Variants in PACRG observed in about 807,000 individuals in gnomAD.
PACRG encodes parkin coregulated.
A neutral mutation model predicts 29.7 loss-of-function variants in PACRG; 29 were observed. The ratio of observed to expected loss-of-function variants is 0.98; its 90% CI spans 0.73 to 1.33. PACRG has a LOEUF of 1.33. Among genes scored for constraint, PACRG ranks in the 40% most tolerant of loss-of-function variants. The pLI, the probability that PACRG is intolerant of heterozygous loss-of-function variation, is 0.00. For synonymous variants in PACRG, 116 were observed against 118.7 expected, an observed-to-expected ratio of 0.98 and a Z score of 0.15; for missense variants, 279 against 316.2, an observed-to-expected ratio of 0.88 and a Z score of 0.89.
chr6:163,125,852 T>C (rs1390777651), intron 4 of PACRG, among the ~76,000 whole-genome samples: 1 of 152,212 alleles, frequency 6.6e-6, no homozygotes, highest in Non-Finnish European at 1.5e-5. Context: ...GATGTCAAAA[T>C]AGTAAGAATT....
chr6:162,736,004 A>G (rs1376846556), intron 1 of PACRG, among the ~76,000 whole-genome samples: 1 of 152,218 alleles, frequency 6.6e-6, no homozygotes, highest in Non-Finnish European at 1.5e-5. Flanking sequence ...ATATTTATCA[A>G]TGGATGTTCA....
intron 1 of PACRG, among the ~76,000 whole-genome samples, chr6:162,812,221 G>A (rs1436258985): frequency 6.6e-6 from 1 of 152,004 alleles, no homozygotes. Flanking sequence ...TCCCATTCGG[G>A]AAAGCAACTA....
intron 1 of PACRG, among the ~76,000 whole-genome samples, chr6:162,736,224 A>G (rs1257562803): frequency 6.6e-6 from 1 of 152,260 alleles, no homozygotes; most frequent in Non-Finnish European, 1.5e-5. Flanking sequence ...CAGTGAAAAT[A>G]TCATCCACAA....
rs796920186 is a variant in PACRG, at chr6:163,291,354, A to T, written c.614-23473A>T. Among the ~76,000 whole-genome samples the T allele has an allele frequency of 7.9e-3, 863 of 109,780 alleles. 3 individuals are homozygous for T. The highest frequency in any genetic ancestry group is 0.037 in the African/African-American group (781 of 21,018). The allele number at this position is 109,780 out of a possible 152,430, so 72.0% of individuals were successfully genotyped here. A position where few individuals can be genotyped will look rare whatever the true frequency, so the allele number is the denominator to read the frequency against. ...GGCCTGCGGGTCACCCTGCAAGATG[A>T]CCCCTCTGCCCGCCAGAGCTGGCCT... On this transcript the variant is annotated intron_variant, in intron 4 of 4. Coordinates refer to ENST00000366888, the MANE Select transcript of PACRG (RefSeq NM_001080379.2).
chr6:163,233,579 A>G (rs940144400), intron 4 of PACRG, among the ~76,000 whole-genome samples: 1 of 152,256 alleles, frequency 6.6e-6, no homozygotes, highest in Non-Finnish European at 1.5e-5. Flanking sequence ...ACATTTTAAC[A>G]TCAAGATGGG....
At chr6:163,177,739 C>CTTTTTTTTTTT (rs1779450091) in intron 4 of PACRG, among the ~76,000 whole-genome samples, 1 of 10,496 alleles carries the variant, frequency 9.5e-5, no homozygotes, top group African/African-American at 3.5e-4. Flanking sequence ...TTTTTTTTTG[C>CTTTTTTTTTTT]GGGTGGGATT....
chr6:162,924,174 T>C (rs1426362434), intron 2 of PACRG, among the ~76,000 whole-genome samples: 1 of 152,106 alleles, frequency 6.6e-6, no homozygotes, highest in Non-Finnish European at 1.5e-5. Context: ...ACTTTCTTGG[T>C]TTCTTTTTCA....
intron 2 of PACRG, among the ~76,000 whole-genome samples, chr6:162,888,043 C>T (rs1794482664): frequency 6.6e-6 from 1 of 152,146 alleles, no homozygotes; most frequent in South Asian, 2.1e-4. Flanking sequence ...TGCCTTGTTG[C>T]AGCAGCCTCA....
At chr6:162,955,883 G>A (rs974803773) in intron 2 of PACRG, among the ~76,000 whole-genome samples, 10 of 152,220 alleles carry the variant, frequency 6.6e-5, no homozygotes, top group East Asian at 5.8e-4. Context: ...TTCTTTCTCC[G>A]GGGCTGGCAA....
chr6:162,763,458 TAAAAG>T (rs775564200), intron 1 of PACRG, among the ~76,000 whole-genome samples: 5 of 152,216 alleles, frequency 3.3e-5, no homozygotes, highest in Non-Finnish European at 5.9e-5. Context: ...AGCAAAATGA[TAAAAG>T]AAAGTGCTTA....
chr6:163,153,235 A>G (rs1349202045), intron 4 of PACRG, among the ~76,000 whole-genome samples: 3 of 152,202 alleles, frequency 2.0e-5, no homozygotes, highest in African/African-American at 7.2e-5. Context: ...ACTAACACAG[A>G]TGATACCGAT....
chr6:163,269,890 A>C (rs1482597065), intron 4 of PACRG, among the ~76,000 whole-genome samples: 6 of 23,826 alleles, frequency 2.5e-4, no homozygotes, highest in Admixed American at 3.7e-4. Flanking sequence ...AGAAAGAAAG[A>C]AAACAAAGAA....
At chr6:162,913,141 A>G (rs920389479) in intron 2 of PACRG, among the ~76,000 whole-genome samples, 2 of 152,206 alleles carry the variant, frequency 1.3e-5, no homozygotes, top group African/African-American at 4.8e-5. Context: ...GAAATACGGT[A>G]AATCACACTA....
At chr6:162,866,492 A>G (rs926440745) in intron 2 of PACRG, among the ~76,000 whole-genome samples, 3 of 152,116 alleles carry the variant, frequency 2.0e-5, no homozygotes, top group African/African-American at 4.8e-5. Flanking sequence ...TAGAAACCCT[A>G]TGAGCCATAG....
chr6:162,907,174 C>T (rs1303689012), intron 2 of PACRG, among the ~76,000 whole-genome samples: 1 of 152,068 alleles, frequency 6.6e-6, no homozygotes, highest in African/African-American at 2.4e-5. Context: ...TTATTCCAGA[C>T]ATTTTGTCCT....
chr6:162,960,047 A>G (rs1562781315), intron 2 of PACRG, among the ~76,000 whole-genome samples: 1 of 152,216 alleles, frequency 6.6e-6, no homozygotes, highest in East Asian at 1.9e-4. Flanking sequence ...AAATCAAACC[A>G]CAATGAGGTA....
chr6:162,973,454 G>C (rs113399568), intron 2 of PACRG, among the ~76,000 whole-genome samples: 1 of 152,150 alleles, frequency 6.6e-6, no homozygotes, highest in African/African-American at 2.4e-5. Context: ...CTCTCTCAGG[G>C]ACTCCCACTC....
At chr6:162,925,538 C>T (rs899144900) in intron 2 of PACRG, among the ~76,000 whole-genome samples, 10 of 152,062 alleles carry the variant, frequency 6.6e-5, no homozygotes, top group African/African-American at 2.4e-4. Flanking sequence ...TAATCTATCA[C>T]ATAAACAGAA....
intron 2 of PACRG, among the ~76,000 whole-genome samples, chr6:162,864,938 A>AT (rs1285314953): frequency 6.6e-6 from 1 of 152,134 alleles, no homozygotes; most frequent in Admixed American, 6.5e-5. Flanking sequence ...TCCAAAGAAT[A>AT]TTTTTTTAAC....
Sources: allele counts gnomAD v4.1 joint callset (sites outside exome capture counted in the v4.1 genomes callset), GRCh38; gene constraint gnomAD v4.1.1; transcripts MANE v1.5; gene names NCBI Gene and HGNC (gene_info 2026-07-23, HGNC 2026-07-21).